Variants in SYNPR observed in about 807,000 individuals in gnomAD.
SYNPR encodes synaptoporin.
In SYNPR, 23 loss-of-function variants were observed where a neutral mutation model predicts 32.9. The ratio of observed to expected loss-of-function variants is 0.70; its 90% CI spans 0.50 to 0.99. The LOEUF (loss-of-function observed/expected upper bound fraction) is 0.99, where lower values mean the gene tolerates loss of function less well. Among genes scored for constraint, SYNPR ranks in the 50% least tolerant of loss-of-function variants. The probability of loss-of-function intolerance (pLI) is 0.00; values close to 1 mark genes in which losing one functional copy is unlikely to be tolerated. For missense variants in SYNPR, 318 were observed against 349.3 expected, an observed-to-expected ratio of 0.91 and a Z score of 0.71; for synonymous variants, 146 against 135.9, an observed-to-expected ratio of 1.07 and a Z score of -0.52.
chr3:63,322,353 T>C (rs1473875608), intron 2 of SYNPR, among the ~76,000 whole-genome samples: 1 of 152,070 alleles, frequency 6.6e-6, no homozygotes, highest in Non-Finnish European at 1.5e-5. Context: ...CTCAAACTTA[T>C]TAATCTCCCA....
chr3:63,291,788 A>G (rs558765709), intron 2 of SYNPR, among the ~76,000 whole-genome samples: 1 of 152,288 alleles, frequency 6.6e-6, no homozygotes, highest in East Asian at 1.9e-4. Context: ...TACCAGCAAC[A>G]GTACGTAAAT....
At chr3:63,364,043 TA>T (rs1189752136) in intron 2 of SYNPR, among the ~76,000 whole-genome samples, 1 of 152,320 alleles carries the variant, frequency 6.6e-6, no homozygotes, top group East Asian at 1.9e-4. Context: ...TATTAACAAA[TA>T]GTATTGACTA....
chr3:63,278,267 C>G (rs2086594497), upstream of SYNPR: 1 of 468,574 alleles, frequency 2.1e-6, no homozygotes, highest in African/African-American at 2.0e-5. Context: ...GGGTTTCCCC[C>G]TCCCCTGTTG....
At chr3:63,386,685 T>C (rs2088050405) in intron 2 of SYNPR, among the ~76,000 whole-genome samples, 1 of 150,778 alleles carries the variant, frequency 6.6e-6, no homozygotes, top group Non-Finnish European at 1.5e-5. Context: ...TAGGTTTTGA[T>C]GAGCCTCAGT....
intron 4 of SYNPR, among the ~76,000 whole-genome samples, chr3:63,588,048 T>C (rs910053745): frequency 2.6e-5 from 4 of 152,140 alleles, no homozygotes; most frequent in African/African-American, 7.2e-5. Flanking sequence ...TTGAATTGTA[T>C]AATATTTTAA....
chr3:63,430,354 C>A (rs1422565306), intron 2 of SYNPR, among the ~76,000 whole-genome samples: 1 of 143,034 alleles, frequency 7.0e-6, no homozygotes, highest in African/African-American at 2.7e-5. Flanking sequence ...CACTCCTACA[C>A]TGAGAATACA....
At chr3:63,417,048 C>T (rs1231662824) in intron 2 of SYNPR, among the ~76,000 whole-genome samples, 1 of 152,186 alleles carries the variant, frequency 6.6e-6, no homozygotes, top group African/African-American at 2.4e-5. Flanking sequence ...ACTCGAAAAT[C>T]CACAGTCCAA....
At chr3:63,288,228 T>C (rs1339180132) in intron 2 of SYNPR, among the ~76,000 whole-genome samples, 1 of 152,238 alleles carries the variant, frequency 6.6e-6, no homozygotes, top group Non-Finnish European at 1.5e-5. Context: ...ACTTGTGGCC[T>C]GAATAAAAAG....
chr3:63,369,864 G>A (rs576055111), intron 2 of SYNPR, among the ~76,000 whole-genome samples: 38 of 152,236 alleles, frequency 2.5e-4, no homozygotes, highest in African/African-American at 8.2e-4. Context: ...GAATTCTGAG[G>A]TTGATTTGAG....
chr3:63,479,986 C>T lies in SYNPR; in HGVS notation c.85-846C>T, dbSNP rs932048807. ...CATGTTAGTGTTAGGTGCATTTGAT[C>T]GACTTCCTTTAGAAATGACCAAGAA... On this transcript the variant is annotated intron_variant, in intron 2 of 5. Transcript: ENST00000478300. 4.6e-5 allele frequency among the ~76,000 whole-genome samples: 7 copies of T among 152,276 alleles called. No homozygotes were observed. The South Asian group carries it at 8.3e-4, about 18-fold the overall frequency.
the SYNPR span, among the ~76,000 whole-genome samples, chr3:63,217,585 C>A: frequency 7.3e-6 from 1 of 137,150 alleles, no homozygotes; most frequent in South Asian, 2.5e-4. Context: ...GGTGCGCGCA[C>A]ACACTGGCCT....
At chr3:63,306,866 C>T (rs1197031863) in intron 2 of SYNPR, among the ~76,000 whole-genome samples, 1 of 151,756 alleles carries the variant, frequency 6.6e-6, no homozygotes, top group African/African-American at 2.4e-5. Flanking sequence ...TTGGGCTTTG[C>T]CTTTTTTTTC....
At chr3:63,207,977 G>T in the SYNPR span, among the ~76,000 whole-genome samples, 305 of 151,984 alleles carry the variant, frequency 2.0e-3, 8 homozygotes, top group East Asian at 0.051. Flanking sequence ...AGAAGATCTT[G>T]GTTTTGAGAT....
chr3:63,583,756 T>G (rs1244144969), intron 4 of SYNPR, among the ~76,000 whole-genome samples: 1 of 152,160 alleles, frequency 6.6e-6, no homozygotes. Context: ...AACATATGAA[T>G]AGGATTCCCT....
At chr3:63,343,377 CATT>C (rs1253602396) in intron 2 of SYNPR, among the ~76,000 whole-genome samples, 29 of 152,258 alleles carry the variant, frequency 1.9e-4, no homozygotes, top group Non-Finnish European at 3.1e-4. Context: ...ATGAAGATAA[CATT>C]ATGAAGTCAT....
chr3:63,526,330 C>A (rs1420387939), intron 3 of SYNPR, among the ~76,000 whole-genome samples: 2 of 152,188 alleles, frequency 1.3e-5, no homozygotes, highest in Non-Finnish European at 2.9e-5. Flanking sequence ...TTGCTCTGCA[C>A]CTCTGTGCAT....
intron 2 of SYNPR, among the ~76,000 whole-genome samples, chr3:63,357,725 C>A (rs2087602447): frequency 6.6e-6 from 1 of 152,094 alleles, no homozygotes; most frequent in African/African-American, 2.4e-5. Flanking sequence ...AATGCATATT[C>A]TTGGGCCTTA....
At chr3:63,512,017 A>ATTACTAG (rs201167516) in intron 3 of SYNPR, among the ~76,000 whole-genome samples, 3,436 of 152,244 alleles carry the variant, frequency 0.023, 71 homozygotes, top group Non-Finnish European at 0.032. Context: ...GACATATACG[A>ATTACTAG]ACATATCTGA....
chr3:63,292,220 A>T (rs552048362), intron 2 of SYNPR, among the ~76,000 whole-genome samples: 72 of 152,338 alleles, frequency 4.7e-4, no homozygotes, highest in Middle Eastern at 6.8e-3. Context: ...CTTTAAAAAA[A>T]TTTTTAATTG....
Sources: allele counts gnomAD v4.1 joint callset (sites outside exome capture counted in the v4.1 genomes callset), GRCh38; gene constraint gnomAD v4.1.1; transcripts MANE v1.5; gene names NCBI Gene and HGNC (gene_info 2026-07-23, HGNC 2026-07-21).